DNAH6: variants seen among roughly 807,000 people sequenced by gnomAD.
The protein encoded by DNAH6 is dynein axonemal heavy chain 6.
In DNAH6, 340 loss-of-function variants were observed where a neutral mutation model predicts 491.4. The ratio of observed to expected loss-of-function variants is 0.69; its 90% CI spans 0.63 to 0.76. The LOEUF is 0.76. Among genes scored for constraint, DNAH6 ranks in the 30% least tolerant of loss-of-function variants. DNAH6 has a pLI of 0.00. For synonymous variants in DNAH6, 1,603 were observed against 1,686.1 expected (o/e 0.95, Z 1.21); for missense variants, 4,443 against 4,972.2 (o/e 0.89, Z 3.20).
intron 11 of DNAH6, among the ~76,000 whole-genome samples, chr2:84,565,462 G>C (rs1448713506): frequency 6.6e-6 from 1 of 151,846 alleles, no homozygotes; most frequent in East Asian, 1.9e-4. Context: ...ATTTCCTCTA[G>C]ATTTTCTAAT....
At chr2:84,815,008 C>T (rs1352214342) in intron 75 of DNAH6, among the ~76,000 whole-genome samples, 2 of 152,236 alleles carry the variant, frequency 1.3e-5, no homozygotes, top group East Asian at 3.9e-4. Context: ...CCACTGTCAG[C>T]CCATTTGCCG....
intron 35 of DNAH6, among the ~76,000 whole-genome samples, chr2:84,656,109 T>G (rs144796298): frequency 1.5e-3 from 222 of 152,266 alleles, no homozygotes; most frequent in African/African-American, 5.2e-3. Flanking sequence ...TTTAAGATAC[T>G]TCCATGTCTT....
At chr2:84,733,048 A>G (rs547037103) in intron 61 of DNAH6, among the ~76,000 whole-genome samples, 1 of 152,262 alleles carries the variant, frequency 6.6e-6, no homozygotes, top group Admixed American at 6.5e-5. Context: ...ACTGCTCCAT[A>G]CTCAGCTTTC....
chr2:84,785,569 A>C, intron 66 of DNAH6, 41 bp from the exon 67 acceptor site: 3 of 1,471,138 alleles, frequency 2.0e-6, no homozygotes, highest in Non-Finnish European at 2.7e-6. Flanking sequence ...GCAAATCTAT[A>C]AAATCACTCT....
Position 84,584,260 on chromosome 2 carries a change from A to G in DNAH6, c.2481+10A>G. On this transcript the variant is annotated intron_variant, in intron 15 of 76. Transcript: ENST00000389394. ...AAAACTGCAAGCACAGGTAAGCTAAATCATTATTTTGTAAAAATAATCTAT... is the reference window on the plus strand; with the variant it reads ...AAAACTGCAAGCACAGGTAAGCTAAGTCATTATTTTGTAAAAATAATCTAT... The G allele has an allele frequency of 6.2e-7, 1 of 1,610,000 alleles. No individual in the cohort carries two copies. The highest frequency in any genetic ancestry group is 1.1e-5 in the South Asian group (1 of 90,448).
chr2:84,676,056 A>T (rs999096861), intron 40 of DNAH6, among the ~76,000 whole-genome samples: 34 of 152,168 alleles, frequency 2.2e-4, no homozygotes, highest in Admixed American at 2.0e-4. Context: ...CATTTAACTC[A>T]CAATAGCCCA....
chr2:84,510,020 T>C, the DNAH6 span, among the ~76,000 whole-genome samples: 4 of 152,228 alleles, frequency 2.6e-5, no homozygotes, highest in African/African-American at 9.7e-5. Context: ...TTTTCCTTCA[T>C]TTCAACTTTG....
chr2:84,711,788 A>G (rs781539966), intron 56 of DNAH6, among the ~76,000 whole-genome samples: 8 of 152,238 alleles, frequency 5.3e-5, no homozygotes, highest in Non-Finnish European at 7.3e-5. Flanking sequence ...CTTGACCAAC[A>G]CAAGGGTGAT....
chr2:84,763,681 G>A (rs996681639), intron 64 of DNAH6, among the ~76,000 whole-genome samples: 1 of 150,576 alleles, frequency 6.6e-6, no homozygotes, highest in African/African-American at 2.4e-5. Context: ...TTCTGTATTA[G>A]TCAGCAGTCT....
Position 84,593,981 on chromosome 2 carries a change from T to TC in DNAH6, c.2622dup (p.Lys875GlnfsTer3), listed in dbSNP as rs943388225. The TC allele has an allele frequency of 1.3e-6, 2 of 1,545,524 alleles. No homozygotes were observed. The highest frequency in any genetic ancestry group is 8.7e-7 in the Non-Finnish European group (1 of 1,143,288). The stretch of plus-strand genomic sequence containing the variant: ...TACTACATTTTTAAAGGTAGAAGTG[T>TC]CCAAGTTTGAAGCTTTGGAAGAAGT... On this transcript the variant is annotated frameshift_variant, in exon 17 of 77. Transcript: ENST00000389394. LOFTEE classifies it high-confidence loss of function.
intron 55 of DNAH6, among the ~76,000 whole-genome samples, chr2:84,709,937 A>G (rs1696872611): frequency 6.6e-6 from 1 of 152,204 alleles, no homozygotes; most frequent in African/African-American, 2.4e-5. Flanking sequence ...TTTACGGTTG[A>G]CAGCATCCCA....
rs143991178 is a variant in DNAH6 at position 84,556,274 on chromosome 2, G to A, written c.1603-1461G>A. On this transcript the variant is annotated intron_variant, in intron 10 of 76. Coordinates refer to ENST00000389394, the MANE Select transcript of DNAH6 (RefSeq NM_001370.2). ...ACCCTTTATCCTCTGGGTAGTACCCGGTCACAGTTTGGGTATTGCTGGCCT... is the reference window on the plus strand; with the variant it reads ...ACCCTTTATCCTCTGGGTAGTACCCAGTCACAGTTTGGGTATTGCTGGCCT... Among the ~76,000 whole-genome samples, 12 of 152,234 alleles carry A rather than the reference G, an allele frequency of 7.9e-5. No homozygotes were observed. The South Asian group carries it at 1.9e-3, about 24-fold the overall frequency.
intron 29 of DNAH6, among the ~76,000 whole-genome samples, chr2:84,625,302 A>G (rs1204611586): frequency 6.6e-6 from 1 of 152,210 alleles, no homozygotes; most frequent in Non-Finnish European, 1.5e-5. Flanking sequence ...TGAAAAAAAT[A>G]AAAATCTGTA....
At chr2:84,706,813 A>C in intron 52 of DNAH6, 83 bp from the exon 53 acceptor site, 3 of 1,448,632 alleles carry the variant, frequency 2.1e-6, no homozygotes, top group Non-Finnish European at 2.7e-6. Context: ...ACATATATAA[A>C]ATTTTTTTTA....
chr2:84,564,663 AT>A (rs1216123476), intron 11 of DNAH6, among the ~76,000 whole-genome samples: 5 of 152,184 alleles, frequency 3.3e-5, no homozygotes, highest in African/African-American at 1.2e-4. Context: ...TTCCCTTCCT[AT>A]TTGTATGCCT....
intron 14 of DNAH6, among the ~76,000 whole-genome samples, chr2:84,580,900 C>T (rs1478871386): frequency 6.6e-5 from 10 of 152,068 alleles, no homozygotes; most frequent in Non-Finnish European, 1.0e-4. Context: ...AGCTGTAGGA[C>T]GCCCCAGTAG....
chr2:84,463,407 G>A, the DNAH6 span, among the ~76,000 whole-genome samples: 1 of 152,092 alleles, frequency 6.6e-6, no homozygotes, highest in South Asian at 2.1e-4. Context: ...TTTTGAAATA[G>A]GTAATTTATT....
chr2:84,602,515 G>A (rs1419266806), intron 18 of DNAH6, among the ~76,000 whole-genome samples: 2 of 67,414 alleles, frequency 3.0e-5, no homozygotes, highest in Non-Finnish European at 5.1e-5. Context: ...TTTTGGTCTG[G>A]CTACTTTCAA....
the DNAH6 span, among the ~76,000 whole-genome samples, chr2:84,466,028 G>A: frequency 6.6e-6 from 1 of 152,144 alleles, no homozygotes; most frequent in African/African-American, 2.4e-5. Flanking sequence ...CTTTTTTAAA[G>A]CCGAGCCCTG....
Sources: gnomAD v4.1 joint callset for allele counts (sites outside exome capture counted in the v4.1 genomes callset) on GRCh38, gnomAD v4.1.1 for gene constraint, MANE v1.5 for transcripts, NCBI Gene and HGNC (gene_info 2026-07-23, HGNC 2026-07-21) for gene names.